The following EIF2B1 variants were observed in gnomAD, a reference collection of about 807,000 sequenced individuals.
EIF2B1 encodes translation initiation factor eIF2B subunit alpha.
In EIF2B1, 30 loss-of-function variants were observed where a neutral mutation model predicts 36.8. The observed-to-expected ratio is 0.81, with a 90% CI of 0.61 to 1.10. The LOEUF (loss-of-function observed/expected upper bound fraction) is 1.10, where lower values mean the gene tolerates loss of function less well. Among genes scored for constraint, EIF2B1 ranks in the 50% least tolerant of loss-of-function variants. The pLI, the probability that EIF2B1 is intolerant of heterozygous loss-of-function variation, is 0.00. For missense variants in EIF2B1, 271 were observed against 374.8 expected (o/e 0.72, Z 2.29); for synonymous variants, 139 against 142.2 (o/e 0.98, Z 0.16).
At chr12:123,629,607 C>T (rs898277473) in intron 4 of EIF2B1, among the ~76,000 whole-genome samples, 14 of 152,126 alleles carry the variant, frequency 9.2e-5, no homozygotes, top group Non-Finnish European at 1.6e-4. Context: ...TCCTGGCTAA[C>T]ACAGTGAAAC....
In EIF2B1 at chr12:123,621,328, C is replaced by T. The variant is rs1381863816; in HGVS notation, c.*428G>A. 1 of 282,372 alleles carries T rather than the reference C, an allele frequency of 3.5e-6. No individual in the cohort carries two copies. Among genetic ancestry groups the T allele is most frequent in the East Asian group, 9.3e-5 (1 of 10,778 alleles). The allele number at this position is 282,372 out of a possible 1,614,324, so 17.5% of individuals were successfully genotyped here. On this transcript the variant is annotated 3_prime_UTR_variant, in exon 9 of 9. Transcript: ENST00000424014. ...CAAGTGTTTCTTGCCTCTTACAAGG[C>T]ACCGCGTGTAACGTCCTGACCAGCT... is the stretch of plus-strand genomic sequence containing the variant.
At chr12:123,628,517 C>A (rs1220813050) in intron 4 of EIF2B1, among the ~76,000 whole-genome samples, 2 of 151,844 alleles carry the variant, frequency 1.3e-5, no homozygotes, top group African/African-American at 4.8e-5. Context: ...AGTGTGCCAC[C>A]ACGCCTGGCT....
Position 123,621,922 on chromosome 12 carries a change from T to C in EIF2B1, c.754-2A>G, listed in dbSNP as rs1955103142. 2 of 1,613,814 alleles carry C rather than the reference T, an allele frequency of 1.2e-6. No individual in the cohort carries two copies. The highest frequency in any genetic ancestry group is 1.7e-5 in the Admixed American group (1 of 60,002). Reference sequence around the variant, plus strand: ...GACCTTGAGAGTGTCTGCCTTATACTGAGGAGAGAAGTACACATTAGTCGG... The same window carrying C: ...GACCTTGAGAGTGTCTGCCTTATACCGAGGAGAGAAGTACACATTAGTCGG... On this transcript the variant is annotated splice_acceptor_variant, in intron 8 of 8. Coordinates refer to ENST00000424014, the MANE Select transcript of EIF2B1 (RefSeq NM_001414.4). LOFTEE classifies it high-confidence loss of function.
At chr12:123,628,336 G>A (rs1222305795) in intron 4 of EIF2B1, among the ~76,000 whole-genome samples, 1 of 146,854 alleles carries the variant, frequency 6.8e-6, no homozygotes, top group Non-Finnish European at 1.5e-5. Context: ...AGCCACCACA[G>A]TAGGCCCATA....
chr12:123,626,843 G>C, intron 5 of EIF2B1: 4 of 707,976 alleles, frequency 5.6e-6, no homozygotes, highest in Non-Finnish European at 1.0e-5. Flanking sequence ...AACTACTTAA[G>C]TGAAACCCCT....
chr12:123,625,558 T>A (rs1955142189), intron 6 of EIF2B1, among the ~76,000 whole-genome samples: 1 of 152,218 alleles, frequency 6.6e-6, no homozygotes, highest in African/African-American at 2.4e-5. Context: ...AAATGAGCAA[T>A]TAGTAGAATT....
Position 123,621,829 on chromosome 12 carries a change from G to A in EIF2B1, c.845C>T (p.Thr282Ile). The A allele has an allele frequency of 6.2e-7, 1 of 1,614,092 alleles. No individual in the cohort carries two copies. The highest frequency in any genetic ancestry group is 8.5e-7 in the Non-Finnish European group (1 of 1,180,026). ...CACGCCCAGGTCTGTAAACAGCAGA[G>A]TGATTAAGGAAGGGGCAGTGTAGTC... ...WVDYTAPSLI[T>I]LLFTDLGVLT... The change falls in exon 9 of 9, where the codon ACT becomes ATT. Residue 282 changes from threonine (T) to isoleucine (I), a missense_variant. Coordinates refer to ENST00000424014, the MANE Select transcript of EIF2B1 (RefSeq NM_001414.4).
chr12:123,624,486 A>C (rs1955133439), intron 7 of EIF2B1, among the ~76,000 whole-genome samples: 1 of 152,012 alleles, frequency 6.6e-6, no homozygotes, highest in Non-Finnish European at 1.5e-5. Context: ...TCTTGAACTC[A>C]AGGCCTCAAG....
chr12:123,627,174 T>G lies in EIF2B1; in HGVS notation c.370-18A>C. On this transcript the variant is annotated intron_variant, in intron 4 of 8. Coordinates refer to ENST00000424014, the MANE Select transcript of EIF2B1 (RefSeq NM_001414.4). ...AATATTGTCTGTGGACCGAGAAAGC[T>G]TTGTCAAAGGGGCAGGCTCCTTGCT... is the stretch of plus-strand genomic sequence containing the variant. 1 of 1,606,976 alleles carries G rather than the reference T, an allele frequency of 6.2e-7. No homozygotes were observed. The highest frequency in any genetic ancestry group is 8.5e-7 in the Non-Finnish European group (1 of 1,174,266).
At chr12:123,632,473 C>A (rs755967660) in intron 1 of EIF2B1, 27 bp from the exon 2 acceptor site, 1 of 1,503,344 alleles carries the variant, frequency 6.7e-7, no homozygotes, top group Non-Finnish European at 9.2e-7. Context: ...AAGTGATTCA[C>A]CTAATTCATT....
At chr12:123,622,798 G>A in intron 7 of EIF2B1, 37 bp from the exon 8 acceptor site, 1 of 1,611,970 alleles carries the variant, frequency 6.2e-7, no homozygotes, top group Non-Finnish European at 8.5e-7. Context: ...GAGCTCTAGA[G>A]TGCATCTGAA....
At chr12:123,627,258 C>G in intron 4 of EIF2B1, 102 bp from the exon 5 acceptor site, 2 of 876,666 alleles carry the variant, frequency 2.3e-6, no homozygotes, top group South Asian at 2.7e-5. Context: ...CATCTCTGTA[C>G]ACTTTCTCAC....
At position 123,621,156 on chromosome 12, in the gene EIF2B1, G is replaced by A. The variant is rs1368355936; in HGVS notation, c.*600C>T. Reference sequence around the variant, plus strand: ...AGAATTTCAGTTTACAAATATTCCAGAAGGCATTTTCTTAAGCAGTGAACC... The same window carrying A: ...AGAATTTCAGTTTACAAATATTCCAAAAGGCATTTTCTTAAGCAGTGAACC... On this transcript the variant is annotated 3_prime_UTR_variant, in exon 9 of 9. Transcript: ENST00000424014. The A allele has an allele frequency of 2.5e-5, 4 of 159,004 alleles. No homozygotes were observed. The highest frequency in any genetic ancestry group is 3.6e-4 in the East Asian group (2 of 5,506). 9.8% of individuals were successfully genotyped at this position (159,004 alleles called of 1,614,324 possible).
chr12:123,623,765 C>T (rs867415425), intron 7 of EIF2B1, among the ~76,000 whole-genome samples: 7 of 152,152 alleles, frequency 4.6e-5, no homozygotes, highest in South Asian at 2.1e-4. Context: ...TGAGCTACTA[C>T]GCCCGGCCTT....
intron 6 of EIF2B1, chr12:123,626,224 C>G (rs1955147435): frequency 1.6e-6 from 1 of 613,926 alleles, no homozygotes; most frequent in African/African-American, 1.8e-5. Context: ...CCACTCTCCC[C>G]AACATCCTAC....
chr12:123,624,942 C>T, intron 6 of EIF2B1, 80 bp from the exon 7 acceptor site: 1 of 1,324,866 alleles, frequency 7.5e-7, no homozygotes, highest in Non-Finnish European at 1.1e-6. Flanking sequence ...ATCAATATTC[C>T]ATTTCTATCA....
intron 1 of EIF2B1, 52 bp downstream of exon 1, chr12:123,633,493 A>G (rs373726814): frequency 6.2e-7 from 1 of 1,612,888 alleles, no homozygotes; most frequent in African/African-American, 1.3e-5. Flanking sequence ...GGTTGGGGGG[A>G]CCCCTGAACG....
In EIF2B1 at chr12:123,627,296, T is replaced by C; in HGVS notation, c.370-140A>G. On this transcript the variant is annotated intron_variant, in intron 4 of 8. Coordinates refer to ENST00000424014, the MANE Select transcript of EIF2B1 (RefSeq NM_001414.4). ...ATCAACCACAACCAGAAAGGAGACC[T>C]GATGGTACAGTTTCCATCCCATGTG... 3 of 754,464 alleles carry C rather than the reference T, an allele frequency of 4.0e-6. No homozygotes were observed. In the South Asian group the frequency reaches 4.4e-5, roughly 11 times the overall value. The allele number at this position is 754,464 out of a possible 1,614,324, so 46.7% of individuals were successfully genotyped here.
At chr12:123,627,562 G>A (rs1955158237) in intron 4 of EIF2B1, among the ~76,000 whole-genome samples, 2 of 152,202 alleles carry the variant, frequency 1.3e-5, no homozygotes. Context: ...AAAGGCTACA[G>A]AAGGCTGGGT....
Sources: gnomAD v4.1 joint callset for allele counts (sites outside exome capture counted in the v4.1 genomes callset) on GRCh38, gnomAD v4.1.1 for gene constraint, MANE v1.5 for transcripts, NCBI Gene and HGNC (gene_info 2026-07-23, HGNC 2026-07-21) for gene names.